HEATR5B: variants seen among roughly 807,000 people sequenced by gnomAD.
HEATR5B encodes the protein HEAT repeat-containing protein 5B.
A neutral mutation model predicts 224.1 loss-of-function variants in HEATR5B; 156 were observed. The observed-to-expected ratio is 0.70, with a 90% CI of 0.61 to 0.80. HEATR5B has a LOEUF of 0.80. HEATR5B is among the 30% of genes least tolerant of loss of function. HEATR5B has a pLI of 0.00. For missense variants in HEATR5B, 2,323 were observed against 2,535.5 expected (o/e 0.92, Z 1.80); for synonymous variants, 1,027 against 893.0 (o/e 1.15, Z -2.68).
Position 37,013,443 on chromosome 2 carries a change from G to A in HEATR5B, c.4284+398C>T, listed in dbSNP as rs747181488. ...TGCGTGCCTGCAGTCCCAGCTACGC[G>A]GATGGCTGCGGCAGGAGGACTGTTT... On this transcript the variant is annotated intron_variant, in intron 27 of 35. Transcript: ENST00000233099. Among the ~76,000 whole-genome samples, 7 of 152,336 alleles carry A rather than the reference G, an allele frequency of 4.6e-5. No individual in the cohort carries two copies. The South Asian group carries it at 6.2e-4, about 14-fold the overall frequency.
intron 18 of HEATR5B, 94 bp from the exon 19 acceptor site, chr2:37,041,386 G>A: frequency 1.7e-6 from 2 of 1,148,160 alleles, no homozygotes; most frequent in South Asian, 1.4e-5. Flanking sequence ...ATTTATTGGG[G>A]AAATAAGAAA....
intron 2 of HEATR5B, 36 bp downstream of exon 2, chr2:37,083,253 C>G: frequency 6.2e-7 from 1 of 1,611,384 alleles, no homozygotes; most frequent in East Asian, 2.2e-5. Flanking sequence ...AATCTCTTCA[C>G]GTTAATGCAA....
intron 18 of HEATR5B, among the ~76,000 whole-genome samples, chr2:37,045,054 T>G (rs1429299176): frequency 1.3e-5 from 2 of 152,228 alleles, no homozygotes; most frequent in Non-Finnish European, 2.9e-5. Flanking sequence ...CATTTTACAT[T>G]TCTAGGTTTC....
chr2:36,989,103 T>C (rs372482437), intron 34 of HEATR5B, among the ~76,000 whole-genome samples: 1 of 152,256 alleles, frequency 6.6e-6, no homozygotes, highest in Admixed American at 6.5e-5. Context: ...TTTTCTTTTT[T>C]TGAGATGGAG....
At position 37,065,963 on chromosome 2, in the gene HEATR5B, T is replaced by C. The variant is rs149856320; in HGVS notation, c.1178-53A>G. On this transcript the variant is annotated intron_variant, in intron 8 of 35. Coordinates refer to ENST00000233099, the MANE Select transcript of HEATR5B (RefSeq NM_019024.3). ...ATAGGAGAAATGAATTGTGGTATGA[T>C]TTTTTTGGTCTATACAATTTATGAT... 2.9e-4 allele frequency: 444 copies of C among 1,515,204 alleles called. 1 individual carries two copies. In the East Asian group the frequency reaches 6.2e-3, roughly 21 times the overall value. The allele number at this position is 1,515,204 out of a possible 1,614,324, so 93.9% of individuals were successfully genotyped here. A position where few individuals can be genotyped will look rare whatever the true frequency, so the allele number is the denominator to read the frequency against.
In HEATR5B at chr2:37,028,854, T is replaced by A; in HGVS notation, c.3428A>T (p.Asn1143Ile). ...TDIHCRHQGVNITETGLEGLL... is the reference protein window; with the variant it reads ...TDIHCRHQGVIITETGLEGLL... Reference sequence around the variant, plus strand: ...TCCCTCAAGACCAGTTTCTGTTATATTAACACCTTGGTGCCGGCAATGGAT... The same window carrying A: ...TCCCTCAAGACCAGTTTCTGTTATAATAACACCTTGGTGCCGGCAATGGAT... The change falls in exon 23 of 36, where the codon AAT (asparagine) becomes ATT (isoleucine). Residue 1143 changes from asparagine (N) to isoleucine (I), a missense_variant. This residue lies in a region of HEATR5B where 339 missense variants were observed against 378.4 expected (regional missense o/e 0.90). Coordinates refer to ENST00000233099, the MANE Select transcript of HEATR5B (RefSeq NM_019024.3). 1 of 1,614,060 alleles carries A rather than the reference T, an allele frequency of 6.2e-7. No individual in the cohort carries two copies. Among genetic ancestry groups the A allele is most frequent in the Non-Finnish European group, 8.5e-7 (1 of 1,179,914 alleles).
At chr2:37,074,056 T>C (rs1379488189) in intron 5 of HEATR5B, among the ~76,000 whole-genome samples, 1 of 152,180 alleles carries the variant, frequency 6.6e-6, no homozygotes, top group African/African-American at 2.4e-5. Context: ...GTGTGGTGGC[T>C]CACGCCTGTA....
intron 27 of HEATR5B, 147 bp from the exon 28 acceptor site, chr2:37,008,995 C>G (rs1198631656): frequency 3.0e-6 from 2 of 670,272 alleles, no homozygotes; most frequent in African/African-American, 3.7e-5. Context: ...TGCGGTGGCT[C>G]ACACCTGTAA....
chr2:36,981,636 C>G lies in HEATR5B; in HGVS notation c.6070G>C (p.Val2024Leu). 1 of 1,614,172 alleles carries G rather than the reference C, an allele frequency of 6.2e-7. No individual in the cohort carries two copies. The highest frequency in any genetic ancestry group is 8.5e-7 in the Non-Finnish European group (1 of 1,180,030). ...GPLYPHAFKTVMGAAPELKVR... is the reference protein window; with the variant it reads ...GPLYPHAFKTLMGAAPELKVR... ...TTCAACTCAGGAGCAGCCCCCATTA[C>G]TGTCTTGAAAGCATGTGGATACAGA... is the stretch of plus-strand genomic sequence containing the variant. Residue 2024 changes from valine to leucine, a missense_variant, in exon 36 of 36, where the codon GTA (valine) becomes CTA (leucine). Val to Leu is a conservative substitution (Grantham distance 32). Transcript: ENST00000233099.
chr2:37,012,035 T>G (rs1310748365), intron 27 of HEATR5B, among the ~76,000 whole-genome samples: 1 of 152,164 alleles, frequency 6.6e-6, no homozygotes, highest in Non-Finnish European at 1.5e-5. Flanking sequence ...TAAAATAAAT[T>G]TTTAGGCTTA....
chr2:36,984,215 A>AAAAAAAAAAAAAATATATATAT, intron 35 of HEATR5B, among the ~76,000 whole-genome samples: 4 of 77,626 alleles, frequency 5.2e-5, no homozygotes, highest in Non-Finnish European at 6.9e-5. Context: ...AAAAAAAAAA[A>AAAAAAAAAAAAAATATATATAT]ATATATATAT....
intron 35 of HEATR5B, among the ~76,000 whole-genome samples, chr2:36,988,154 C>T (rs1010201232): frequency 6.6e-6 from 1 of 151,846 alleles, no homozygotes; most frequent in Non-Finnish European, 1.5e-5. Flanking sequence ...AAAAAAAAAT[C>T]GCTGTGTTGA....
At chr2:37,065,014 T>C (rs1487329859) in intron 9 of HEATR5B, 24 bp from the exon 10 acceptor site, 2 of 1,607,816 alleles carry the variant, frequency 1.2e-6, no homozygotes, top group Non-Finnish European at 8.5e-7. Context: ...ACTCAAAATA[T>C]TACTCTTTAA....
intron 33 of HEATR5B, 97 bp from the exon 34 acceptor site, chr2:36,990,896 T>C: frequency 9.5e-7 from 1 of 1,056,894 alleles, no homozygotes; most frequent in Non-Finnish European, 1.3e-6. Flanking sequence ...TGCCATGTTG[T>C]CCAGGCTGGT....
intron 5 of HEATR5B, 51 bp from the exon 6 acceptor site, chr2:37,072,332 G>T: frequency 7.6e-7 from 1 of 1,324,488 alleles, no homozygotes; most frequent in Non-Finnish European, 1.1e-6. Context: ...TCTGCTTCCA[G>T]AGATGGAATA....
chr2:36,997,262 G>A (rs1197633427), intron 33 of HEATR5B, among the ~76,000 whole-genome samples: 2 of 151,942 alleles, frequency 1.3e-5, no homozygotes, highest in Non-Finnish European at 2.9e-5. Context: ...ATGGCTCACT[G>A]CAGGCTTGAT....
intron 27 of HEATR5B, among the ~76,000 whole-genome samples, chr2:37,012,632 C>T (rs948111654): frequency 3.3e-5 from 5 of 152,234 alleles, no homozygotes; most frequent in East Asian, 1.9e-4. Flanking sequence ...TCAGGTGATC[C>T]GCCTGCCTCG....
Position 37,007,336 on chromosome 2 carries a change from A to C in HEATR5B, c.4523-32T>G, listed in dbSNP as rs775544607. ...AGCAATCAAATCAATTAAAAACATT[A>C]CTTTTTTTTTTTTTTTTTTTTTTTT... On this transcript the variant is annotated intron_variant, in intron 28 of 35. Coordinates refer to ENST00000233099, the MANE Select transcript of HEATR5B (RefSeq NM_019024.3). 7.3e-5 allele frequency: 90 copies of C among 1,235,342 alleles called. 2 individuals are homozygous for C. The East Asian group carries it at 1.8e-3, about 25-fold the overall frequency. The allele number at this position is 1,235,342 out of a possible 1,614,324, so 76.5% of individuals were successfully genotyped here. A position where few individuals can be genotyped will look rare whatever the true frequency, so the allele number is the denominator to read the frequency against.
At chr2:37,019,768 G>T in intron 26 of HEATR5B, 41 bp downstream of exon 26, 1 of 1,319,712 alleles carries the variant, frequency 7.6e-7, no homozygotes, top group Non-Finnish European at 1.1e-6. Flanking sequence ...ATCTATGAAT[G>T]TATAGAAGAC....
Sources: allele counts gnomAD v4.1 joint callset (sites outside exome capture counted in the v4.1 genomes callset), GRCh38; gene constraint gnomAD v4.1.1; regional missense constraint gnomAD v4.1.1; transcripts MANE v1.5; gene names NCBI Gene and HGNC (gene_info 2026-07-23, HGNC 2026-07-21).